Variants in CLNK observed in about 807,000 individuals in gnomAD.
CLNK encodes cytokine dependent hematopoietic cell linker.
Under a neutral mutation model 68.6 loss-of-function variants are expected in CLNK, and 74 were observed. The observed-to-expected ratio is 1.08, with a 90% CI of 0.89 to 1.31. The LOEUF (loss-of-function observed/expected upper bound fraction) is 1.31. CLNK is among the 50% of genes most tolerant of loss of function. The pLI, the probability that CLNK is intolerant of heterozygous loss-of-function variation, is 0.00. For missense variants in CLNK, 553 were observed against 515.3 expected, an observed-to-expected ratio of 1.07 and a Z score of -0.71; for synonymous variants, 198 against 172.2, an observed-to-expected ratio of 1.15 and a Z score of -1.17.
chr4:10,627,749 G>A (rs911692947), intron 2 of CLNK, among the ~76,000 whole-genome samples: 3 of 152,152 alleles, frequency 2.0e-5, no homozygotes, highest in Non-Finnish European at 2.9e-5. Context: ...ACAGGGCTTG[G>A]TGATGTCTGA....
chr4:10,523,429 G>A (rs1718163959), intron 14 of CLNK, among the ~76,000 whole-genome samples: 1 of 152,156 alleles, frequency 6.6e-6, no homozygotes, highest in Non-Finnish European at 1.5e-5. Context: ...TTTGATGCTG[G>A]GGATGGATGT....
At chr4:10,728,021 G>A in the CLNK span, among the ~76,000 whole-genome samples, 5 of 151,680 alleles carry the variant, frequency 3.3e-5, no homozygotes, top group Admixed American at 1.3e-4. Context: ...ACAGTCTTAC[G>A]TTAAAAATAT....
At chr4:10,716,503 A>C in the CLNK span, among the ~76,000 whole-genome samples, 1 of 151,952 alleles carries the variant, frequency 6.6e-6, no homozygotes, top group African/African-American at 2.4e-5. Context: ...AGGGACCTCT[A>C]AACCTAAAAA....
chr4:10,659,240 G>T (rs1191002632), intron 2 of CLNK, among the ~76,000 whole-genome samples: 3 of 152,192 alleles, frequency 2.0e-5, no homozygotes, highest in African/African-American at 7.2e-5. Flanking sequence ...AATGGTAATT[G>T]CTAAAAGTGT....
At chr4:10,591,154 G>A (rs142486903) in intron 3 of CLNK, among the ~76,000 whole-genome samples, 3 of 152,114 alleles carry the variant, frequency 2.0e-5, no homozygotes, top group African/African-American at 7.2e-5. Flanking sequence ...CCTAGAGGTC[G>A]TGTGGAGGTT....
chr4:10,602,481 A>C (rs910353914), intron 2 of CLNK, among the ~76,000 whole-genome samples: 2 of 152,210 alleles, frequency 1.3e-5, no homozygotes, highest in Non-Finnish European at 1.5e-5. Flanking sequence ...ACCCATGTGA[A>C]GATGGCGGAG....
intron 2 of CLNK, among the ~76,000 whole-genome samples, chr4:10,618,832 G>A (rs1454557321): frequency 6.6e-6 from 1 of 152,148 alleles, no homozygotes; most frequent in East Asian, 1.9e-4. Context: ...AGCATCAAGG[G>A]GATGGTGCTA....
At chr4:10,635,597 G>A (rs12504618) in intron 2 of CLNK, among the ~76,000 whole-genome samples, 26,471 of 152,110 alleles carry the variant, frequency 0.17, 2,359 homozygotes, top group East Asian at 0.19. Context: ...GGAAGAGAGC[G>A]ACAGAGGGAC....
chr4:10,666,414 G>T (rs1442477147), intron 2 of CLNK, among the ~76,000 whole-genome samples: 3 of 152,192 alleles, frequency 2.0e-5, no homozygotes. Flanking sequence ...CATCCCCTTT[G>T]TGGTGCAACC....
chr4:10,567,564 A>G (rs965413545), intron 5 of CLNK, among the ~76,000 whole-genome samples: 3 of 152,224 alleles, frequency 2.0e-5, no homozygotes, highest in African/African-American at 7.2e-5. Flanking sequence ...AAGCAATAAA[A>G]GAAATAGATA....
intron 7 of CLNK, among the ~76,000 whole-genome samples, chr4:10,560,820 T>G (rs1236337449): frequency 6.6e-6 from 1 of 152,174 alleles, no homozygotes; most frequent in Non-Finnish European, 1.5e-5. Context: ...AGGAATGAGA[T>G]TGTCATAAAA....
rs1724794169 is a variant in CLNK at position 10,674,505 on chromosome 4, C to G, written c.-42-6594G>C. The stretch of plus-strand genomic sequence containing the variant: ...ACTCTGTGCTTTCATTTCATTAATA[C>G]AGTTCCCATATAATTTATTAACCCT... On this transcript the variant is annotated intron_variant, in intron 1 of 18. Coordinates refer to ENST00000226951, the MANE Select transcript of CLNK (RefSeq NM_052964.4). Among the ~76,000 whole-genome samples, 3 of 152,194 alleles carry G rather than the reference C, an allele frequency of 2.0e-5. No homozygotes were observed. The South Asian group carries it at 6.2e-4, about 32-fold the overall frequency.
chr4:10,515,743 G>A (rs1455898822), intron 15 of CLNK, among the ~76,000 whole-genome samples: 3 of 152,206 alleles, frequency 2.0e-5, no homozygotes, highest in Admixed American at 6.5e-5. Flanking sequence ...TGGTGCAAAT[G>A]TGATTTTAAA....
chr4:10,583,807 G>C (rs1274200194), intron 4 of CLNK, among the ~76,000 whole-genome samples: 1 of 152,174 alleles, frequency 6.6e-6, no homozygotes, highest in Non-Finnish European at 1.5e-5. Context: ...TAACCAAGGT[G>C]GGGAGCAAGA....
chr4:10,636,614 A>G (rs1030303792), intron 2 of CLNK, among the ~76,000 whole-genome samples: 23 of 152,016 alleles, frequency 1.5e-4, no homozygotes, highest in African/African-American at 5.6e-4. Flanking sequence ...AGGGGAGGGG[A>G]GGAGGGAAGG....
intron 4 of CLNK, among the ~76,000 whole-genome samples, chr4:10,580,746 T>G (rs1720746790): frequency 6.6e-6 from 1 of 152,232 alleles, no homozygotes; most frequent in Non-Finnish European, 1.5e-5. Context: ...CGTTTGTGCT[T>G]AAGATAAGTC....
chr4:10,569,702 G>T (rs543110598), intron 5 of CLNK, among the ~76,000 whole-genome samples: 27 of 152,260 alleles, frequency 1.8e-4, no homozygotes, highest in South Asian at 1.0e-3. Flanking sequence ...GTGCTCCTCC[G>T]CATTAAAATC....
intron 1 of CLNK, 130 bp from the exon 2 acceptor site, chr4:10,668,041 T>C (rs1724477442): frequency 2.1e-6 from 1 of 465,560 alleles, no homozygotes; most frequent in African/African-American, 2.0e-5. Flanking sequence ...AGAAAGAGAA[T>C]CAATCCAGGT....
chr4:10,513,541 A>T lies in CLNK; in HGVS notation c.829T>A (p.Cys277Ser), dbSNP rs748931035. The T allele has an allele frequency of 3.1e-6, 5 of 1,609,766 alleles. No homozygotes were observed. In the Admixed American group the frequency reaches 8.4e-5, roughly 27 times the overall value. Residue 277 changes from cysteine to serine, a missense_variant, in exon 16 of 19, where the codon TGC becomes AGC. Physicochemically the swap from Cys to Ser is moderately radical, Grantham distance 112. Transcript: ENST00000226951. Reference protein sequence around the residue: ...SPQRCQPPASCSPHENILPYK... With the variant: ...SPQRCQPPASSSPHENILPYK... ...GGCAGTATATTTTCGTGAGGGCTGC[A>T]GCTGGCTGGAGGCTGGCATCTCTGA...
Sources: allele counts gnomAD v4.1 joint callset (sites outside exome capture counted in the v4.1 genomes callset), GRCh38; gene constraint gnomAD v4.1.1; transcripts MANE v1.5; gene names NCBI Gene and HGNC (gene_info 2026-07-23, HGNC 2026-07-21).